TOPBP1: variants seen among roughly 807,000 people sequenced by gnomAD.
TOPBP1 encodes DNA topoisomerase 2-binding protein 1.
In TOPBP1, 28 loss-of-function variants were observed where a neutral mutation model predicts 167.7. The ratio of observed to expected loss-of-function variants is 0.17; its 90% confidence interval spans 0.12 to 0.23. TOPBP1 has a LOEUF of 0.23. Ranked by LOEUF, TOPBP1 falls within the 10% of genes least tolerant of loss-of-function variation. TOPBP1 has a pLI of 1.00. For missense variants in TOPBP1, 1,554 were observed against 1,809.6 expected (o/e 0.86, Z 2.56); for synonymous variants, 598 against 611.4 (o/e 0.98, Z 0.32).
intron 10 of TOPBP1, among the ~76,000 whole-genome samples, chr3:133,648,568 C>T (rs540499401): frequency 5.9e-5 from 9 of 152,266 alleles, no homozygotes; most frequent in East Asian, 3.9e-4. Context: ...GAGGCCAAGG[C>T]GGGTGGATCA....
intron 27 of TOPBP1, 94 bp from the exon 28 acceptor site, chr3:133,601,487 G>T: frequency 2.0e-6 from 2 of 1,007,292 alleles, no homozygotes; most frequent in Non-Finnish European, 2.8e-6. Flanking sequence ...GACCTCTCAG[G>T]GATGAATCTG....
chr3:133,647,028 G>A (rs1936097755), intron 10 of TOPBP1, among the ~76,000 whole-genome samples: 1 of 152,192 alleles, frequency 6.6e-6, no homozygotes, highest in African/African-American at 2.4e-5. Flanking sequence ...AGAGATAGGA[G>A]CCAATCCTTT....
chr3:133,608,245 C>T (rs770332528), intron 27 of TOPBP1, among the ~76,000 whole-genome samples: 3 of 152,114 alleles, frequency 2.0e-5, no homozygotes, highest in African/African-American at 7.2e-5. Flanking sequence ...CTCCTGGAAT[C>T]GATTTCTGCT....
At chr3:133,642,541 A>G (rs1446780308) in intron 12 of TOPBP1, among the ~76,000 whole-genome samples, 1 of 152,120 alleles carries the variant, frequency 6.6e-6, no homozygotes, top group East Asian at 1.9e-4. Context: ...TGCATTTCCT[A>G]TAAATTGGGA....
intron 4 of TOPBP1, 62 bp downstream of exon 4, chr3:133,657,736 G>C: frequency 1.5e-6 from 2 of 1,343,034 alleles, no homozygotes. Context: ...TCTATGCAGT[G>C]AAAAATTAAG....
At chr3:133,651,410 C>T (rs1297571233) in intron 8 of TOPBP1, among the ~76,000 whole-genome samples, 3 of 151,590 alleles carry the variant, frequency 2.0e-5, no homozygotes, top group African/African-American at 7.3e-5. Flanking sequence ...GGCTGGTCTC[C>T]AACTCCTGAC....
chr3:133,642,474 G>T (rs1241130652), intron 12 of TOPBP1, among the ~76,000 whole-genome samples: 1 of 152,152 alleles, frequency 6.6e-6, no homozygotes, highest in African/African-American at 2.4e-5. Flanking sequence ...TTGTACTAAA[G>T]TCTGGGTCTT....
chr3:133,640,825 C>G (rs961227610), intron 12 of TOPBP1, among the ~76,000 whole-genome samples: 8 of 152,102 alleles, frequency 5.3e-5, no homozygotes, highest in African/African-American at 1.9e-4. Context: ...ATTTTTTAAC[C>G]TACTACAACT....
intron 14 of TOPBP1, among the ~76,000 whole-genome samples, chr3:133,629,658 G>C (rs1479361482): frequency 1.3e-5 from 2 of 152,108 alleles, no homozygotes; most frequent in African/African-American, 2.4e-5. Context: ...AAACGTGCTT[G>C]ATATCACAGT....
intron 8 of TOPBP1, 140 bp from the exon 9 acceptor site, chr3:133,650,083 CTT>C (rs1482548996): frequency 1.3e-5 from 10 of 745,914 alleles, no homozygotes; most frequent in Non-Finnish European, 1.7e-5. Flanking sequence ...CATTCTGAAA[CTT>C]TTGATTTTTT....
intron 27 of TOPBP1, among the ~76,000 whole-genome samples, chr3:133,603,180 G>A (rs1211822798): frequency 6.6e-6 from 1 of 152,140 alleles, no homozygotes; most frequent in African/African-American, 2.4e-5. Context: ...ACAGGCGTGA[G>A]CCACCATGCC....
rs556536682 is a variant in TOPBP1, at chr3:133,606,893, AC to A, written c.4425+1641del. ...CATAGAGCTAAACATAAAAGCTAAA[AC>A]AATAACTTTTTAGAAAAAAATATTA... On this transcript the variant is annotated intron_variant, in intron 27 of 27. Coordinates refer to ENST00000260810, the MANE Select transcript of TOPBP1 (RefSeq NM_007027.4). 7.9e-4 allele frequency among the ~76,000 whole-genome samples: 120 copies of A among 152,250 alleles called. 1 individual carries two copies. Among genetic ancestry groups the A allele is most frequent in the African/African-American group, 2.7e-3 (114 of 41,538 alleles).
rs544948001 is a variant in TOPBP1, at chr3:133,660,945, A to C, written c.84+99T>G. On this transcript the variant is annotated intron_variant, in intron 2 of 27. Coordinates refer to ENST00000260810, the MANE Select transcript of TOPBP1 (RefSeq NM_007027.4). Reference sequence around the variant, plus strand: ...AATGTAGACTATAAAATTATTATGAAAGTGAAATATCTACTTCTAAGACAT... The same window carrying C: ...AATGTAGACTATAAAATTATTATGACAGTGAAATATCTACTTCTAAGACAT... 5.4e-5 allele frequency: 45 copies of C among 833,128 alleles called. No homozygotes were observed. In the East Asian group the frequency reaches 1.2e-3, roughly 23 times the overall value. 51.6% of individuals were successfully genotyped at this position (833,128 alleles called of 1,614,324 possible). A position where few individuals can be genotyped will look rare whatever the true frequency, so the allele number is the denominator to read the frequency against.
At chr3:133,616,731 A>C in intron 23 of TOPBP1, 83 bp downstream of exon 23, 1 of 766,086 alleles carries the variant, frequency 1.3e-6, no homozygotes, top group East Asian at 3.1e-5. Context: ...TAGACTTTAC[A>C]AATGATATTA....
Position 133,644,257 on chromosome 3 carries a change from G to A in TOPBP1, c.1611C>T (p.Val537=). 6.2e-7 allele frequency: 1 copy of A among 1,613,850 alleles called. No individual in the cohort carries two copies. Among genetic ancestry groups the A allele is most frequent in the Non-Finnish European group, 8.5e-7 (1 of 1,179,828 alleles). The change falls in exon 11 of 28, where the codon GTC becomes GTT. Residue 537 remains valine, a synonymous_variant. Transcript: ENST00000260810. Reference sequence around the variant, plus strand: ...TAGAAACATCAGGGACACAATGACTGACAGAAGACTGGTTTTCTTCTTGCA... The same window carrying A: ...TAGAAACATCAGGGACACAATGACTAACAGAAGACTGGTTTTCTTCTTGCA... The part of the protein sequence containing the change: ...ISLQEENQSS[V]SHCVPDVSTI...
intron 23 of TOPBP1, among the ~76,000 whole-genome samples, chr3:133,613,581 A>AAC (rs1464390994): frequency 1.3e-4 from 20 of 152,182 alleles, no homozygotes; most frequent in Non-Finnish European, 1.5e-5. Flanking sequence ...TTGGGAAGAA[A>AAC]ACACACACAG....
chr3:133,643,656 ATTAGT>A (rs1250172885), intron 11 of TOPBP1, among the ~76,000 whole-genome samples: 2 of 152,064 alleles, frequency 1.3e-5, no homozygotes, highest in Non-Finnish European at 2.9e-5. Flanking sequence ...CTTCTAATGT[ATTAGT>A]TTATACTATT....
Position 133,655,468 on chromosome 3 carries a change from A to T in TOPBP1, c.564T>A (p.Thr188=). The change falls in exon 6 of 28, where the codon ACT becomes ACA. Residue 188 remains threonine (T), a synonymous_variant. Coordinates refer to ENST00000260810, the MANE Select transcript of TOPBP1 (RefSeq NM_007027.4). ...KSQEKKITRY[T]DINMEDFKCP... ...ACTTGAAATCTTCCATGTTTATATC[A>T]GTATATCTAGTTATTTTTCTGTGGG... 3.3e-6 allele frequency: 5 copies of T among 1,519,566 alleles called. No homozygotes were observed. Among genetic ancestry groups the T allele is most frequent in the Non-Finnish European group, 4.4e-6 (5 of 1,132,800 alleles). 94.1% of individuals were successfully genotyped at this position (1,519,566 alleles called of 1,614,324 possible). A position where few individuals can be genotyped will look rare whatever the true frequency, so the allele number is the denominator to read the frequency against.
Position 133,629,867 on chromosome 3 carries a change from A to C in TOPBP1, c.2521-1134T>G, listed in dbSNP as rs764965355. Among the ~76,000 whole-genome samples the C allele has an allele frequency of 3.9e-5, 6 of 151,998 alleles. No homozygotes were observed. The East Asian group carries it at 1.2e-3, about 30-fold the overall frequency. ...AATGGCGCGATCTCGGCTCACTGCAACCTCTGCCTCCTGGGTTCAAGCGAT... is the reference window on the plus strand; with the variant it reads ...AATGGCGCGATCTCGGCTCACTGCACCCTCTGCCTCCTGGGTTCAAGCGAT... On this transcript the variant is annotated intron_variant, in intron 14 of 27. Transcript: ENST00000260810.
Sources: gnomAD v4.1 joint callset for allele counts (sites outside exome capture counted in the v4.1 genomes callset) on GRCh38, gnomAD v4.1.1 for gene constraint, MANE v1.5 for transcripts, NCBI Gene and HGNC (gene_info 2026-07-23, HGNC 2026-07-21) for gene names.